CAST: variants seen among roughly 807,000 people sequenced by gnomAD.
CAST encodes calpastatin, also known as MIR583 host.
A neutral mutation model predicts 119.6 loss-of-function variants in CAST; 76 were observed. That is an observed-to-expected ratio of 0.64 (90% CI 0.53 to 0.77). The LOEUF (loss-of-function observed/expected upper bound fraction) is 0.77. Among genes scored for constraint, CAST ranks in the 30% least tolerant of loss-of-function variants. The pLI, the probability that CAST is intolerant of heterozygous loss-of-function variation, is 0.00. For synonymous variants in CAST, 319 were observed against 331.6 expected (o/e 0.96, Z 0.41); for missense variants, 953 against 946.5 (o/e 1.01, Z -0.09).
At chr5:96,349,137 C>CTTTTTTTTTTTTTTTTTTTTT in the CAST span, among the ~76,000 whole-genome samples, 1 of 31,310 alleles carries the variant, frequency 3.2e-5, no homozygotes, top group Non-Finnish European at 5.9e-5. Flanking sequence ...AACAAGGACA[C>CTTTTTTTTTTTTTTTTTTTTT]TATTTTTTTT....
At chr5:96,678,678 A>G (rs1750986944) in intron 2 of CAST, among the ~76,000 whole-genome samples, 1 of 152,078 alleles carries the variant, frequency 6.6e-6, no homozygotes, top group Non-Finnish European at 1.5e-5. Context: ...CTCCATCTCT[A>G]CTAAAAATAC....
At chr5:96,561,905 G>A (rs1580825711) in intron 1 of CAST, among the ~76,000 whole-genome samples, 1 of 139,456 alleles carries the variant, frequency 7.2e-6, no homozygotes. Flanking sequence ...CCATTCTCCT[G>A]CCTCAGCCTC....
At chr5:96,214,777 T>C in the CAST span, 2 of 152,138 alleles carry the variant, frequency 1.3e-5, no homozygotes, top group Non-Finnish European at 2.9e-5. Flanking sequence ...CACAAGAAGA[T>C]TGTTTTATAG....
chr5:96,617,399 G>C (rs1747482150), intron 1 of CAST, among the ~76,000 whole-genome samples: 1 of 152,030 alleles, frequency 6.6e-6, no homozygotes, highest in Non-Finnish European at 1.5e-5. Flanking sequence ...ATTTACTAAA[G>C]GACAAGCTAA....
chr5:96,624,055 A>G (rs778515661), intron 1 of CAST, among the ~76,000 whole-genome samples: 4 of 152,232 alleles, frequency 2.6e-5, no homozygotes, highest in Non-Finnish European at 5.9e-5. Flanking sequence ...AGATCTAAGT[A>G]GCACTCAAAG....
At chr5:96,626,584 C>G (rs1278542523) in intron 1 of CAST, among the ~76,000 whole-genome samples, 2 of 152,206 alleles carry the variant, frequency 1.3e-5, no homozygotes, top group Admixed American at 1.3e-4. Flanking sequence ...CTCCCATCTT[C>G]TCAGGACTGC....
chr5:96,126,382 G>A, the CAST span, among the ~76,000 whole-genome samples: 1 of 151,822 alleles, frequency 6.6e-6, no homozygotes, highest in Non-Finnish European at 1.5e-5. Flanking sequence ...AATAACTCTT[G>A]GGAAAAATTT....
the CAST span, among the ~76,000 whole-genome samples, chr5:96,504,744 TC>T: frequency 2.0e-5 from 3 of 152,168 alleles, no homozygotes; most frequent in Non-Finnish European, 4.4e-5. Flanking sequence ...TCTCATCATC[TC>T]CAAAATTCCC....
At chr5:96,194,824 G>T in the CAST span, among the ~76,000 whole-genome samples, 3 of 152,210 alleles carry the variant, frequency 2.0e-5, no homozygotes, top group Non-Finnish European at 2.9e-5. Context: ...ACAGTGTAGG[G>T]TACATGCCAC....
upstream of CAST, among the ~76,000 whole-genome samples, chr5:96,525,789 G>A (rs1222237547): frequency 1.3e-5 from 2 of 152,198 alleles, no homozygotes; most frequent in Non-Finnish European, 2.9e-5. Context: ...TTGCTGCGCT[G>A]TGCTGCAAAG....
chr5:96,671,888 C>T (rs1206680917), intron 1 of CAST, among the ~76,000 whole-genome samples: 1 of 152,182 alleles, frequency 6.6e-6, no homozygotes, highest in Non-Finnish European at 1.5e-5. Context: ...TTCATTCCAT[C>T]CTCTCAGTTA....
the CAST span, among the ~76,000 whole-genome samples, chr5:96,519,489 GTTTTCCTTTTCA>G: frequency 7.2e-5 from 11 of 152,256 alleles, no homozygotes; most frequent in Middle Eastern, 6.8e-3. Context: ...TTGTGTAATT[GTTTTCCTTTTCA>G]TTTTCCTTTT....
chr5:96,717,697 T>C (rs2150382671), intron 3 of CAST, among the ~76,000 whole-genome samples: 1 of 152,280 alleles, frequency 6.6e-6, no homozygotes, highest in East Asian at 1.9e-4. Flanking sequence ...ACCTGTGTGT[T>C]ATGCTGCCTG....
chr5:96,647,312 T>C (rs1220942028), intron 1 of CAST, among the ~76,000 whole-genome samples: 1 of 152,230 alleles, frequency 6.6e-6, no homozygotes, highest in Non-Finnish European at 1.5e-5. Context: ...GGATGACTTG[T>C]TATTCAAATT....
intron 1 of CAST, among the ~76,000 whole-genome samples, chr5:96,537,745 A>C (rs980791984): frequency 5.3e-5 from 8 of 152,216 alleles, no homozygotes; most frequent in Non-Finnish European, 1.0e-4. Flanking sequence ...TTCCAGGAGT[A>C]ATCTGATTGT....
At chr5:96,269,639 C>G in the CAST span, among the ~76,000 whole-genome samples, 2 of 152,092 alleles carry the variant, frequency 1.3e-5, no homozygotes, top group Non-Finnish European at 2.9e-5. Flanking sequence ...ACTATATATG[C>G]CAACAAATTG....
the CAST span, among the ~76,000 whole-genome samples, chr5:96,234,500 A>G: frequency 2.6e-5 from 4 of 152,136 alleles, no homozygotes; most frequent in Non-Finnish European, 5.9e-5. Context: ...TTTCCTCCCA[A>G]AATAAGAAGT....
chr5:96,077,167 T>C, the CAST span, among the ~76,000 whole-genome samples: 8 of 152,032 alleles, frequency 5.3e-5, no homozygotes, highest in Admixed American at 1.3e-4. Context: ...TGTAAATGTA[T>C]ATCATAAATA....
chr5:96,577,343 T>C (rs545630867), intron 1 of CAST, among the ~76,000 whole-genome samples: 3 of 152,242 alleles, frequency 2.0e-5, no homozygotes, highest in Admixed American at 2.0e-4. Context: ...GTTATTTTCA[T>C]TGATTTTCTT....
Sources: allele counts gnomAD v4.1 joint callset (sites outside exome capture counted in the v4.1 genomes callset), GRCh38; gene constraint gnomAD v4.1.1; transcripts MANE v1.5; gene names NCBI Gene and HGNC (gene_info 2026-07-23, HGNC 2026-07-21).